PCDHGB2: variants seen among roughly 807,000 people sequenced by gnomAD.
PCDHGB2 encodes protocadherin gamma-B2.
Under a neutral mutation model 59.3 loss-of-function variants are expected in PCDHGB2, and 55 were observed. The observed-to-expected ratio is 0.93, with a 90% CI of 0.75 to 1.16. The LOEUF (loss-of-function observed/expected upper bound fraction) is 1.16, where lower values mean the gene tolerates loss of function less well. Among genes scored for constraint, PCDHGB2 ranks in the 50% most tolerant of loss-of-function variants. The pLI is 0.00. For missense variants in PCDHGB2, 1,228 were observed against 1,198.5 expected (o/e 1.02, Z -0.36); for synonymous variants, 516 against 512.0 (o/e 1.01, Z -0.11).
chr5:141,362,367 T>G lies in PCDHGB2; in HGVS notation c.2232T>G (p.Ser744Arg), dbSNP rs766511645. 6.2e-7 allele frequency: 1 copy of G among 1,614,012 alleles called. No individual in the cohort carries two copies. Among genetic ancestry groups the G allele is most frequent in the South Asian group, 1.1e-5 (1 of 91,084 alleles). The change falls in exon 1 of 4, where the codon AGT becomes AGG. Residue 744 changes from serine to arginine, a missense_variant. Transcript: ENST00000522605. ...GACCTGGGGTTCTCCCCAATTACAGTGAGGGTACATTGCCCTATTCCTACA... is the reference window on the plus strand; with the variant it reads ...GACCTGGGGTTCTCCCCAATTACAGGGAGGGTACATTGCCCTATTCCTACA... ...KPGPGVLPNY[S>R]EGTLPYSYNL...
At chr5:141,445,070 A>G (rs185808898) in intron 1 of PCDHGB2, among the ~76,000 whole-genome samples, 30 of 152,306 alleles carry the variant, frequency 2.0e-4, no homozygotes, top group African/African-American at 7.2e-4. Context: ...TATATTTCTC[A>G]TTAAATTGTC....
At chr5:141,415,425 T>G (rs777503392) in intron 1 of PCDHGB2, 7 of 1,614,080 alleles carry the variant, frequency 4.3e-6, no homozygotes, top group African/African-American at 1.3e-5. Context: ...TGGACGGGGT[T>G]CGGGCTTTCC....
At chr5:141,470,734 G>C (rs970003510) in intron 1 of PCDHGB2, among the ~76,000 whole-genome samples, 1 of 152,128 alleles carries the variant, frequency 6.6e-6, no homozygotes, top group South Asian at 2.1e-4. Context: ...GTCTTGCTCT[G>C]TCGCCCTGGC....
intron 1 of PCDHGB2, chr5:141,421,044 C>CGCCT (rs891153203): frequency 6.4e-5 from 35 of 548,614 alleles, no homozygotes; most frequent in African/African-American, 6.0e-4. Context: ...CTCCCTCCCC[C>CGCCT]GCCTCTACCA....
At chr5:141,408,636 C>A in intron 1 of PCDHGB2, 1 of 1,614,024 alleles carries the variant, frequency 6.2e-7, no homozygotes, top group Non-Finnish European at 8.5e-7. Flanking sequence ...ATTTTCGAAT[C>A]TGCATCCGCT....
intron 1 of PCDHGB2, among the ~76,000 whole-genome samples, chr5:141,457,424 C>T (rs1261475379): frequency 6.6e-6 from 1 of 152,068 alleles, no homozygotes; most frequent in Non-Finnish European, 1.5e-5. Context: ...TCCCTTTTTC[C>T]CCCCCACCAA....
At chr5:141,481,913 C>CAAAAAA (rs34114744) in intron 1 of PCDHGB2, among the ~76,000 whole-genome samples, 2 of 90,846 alleles carry the variant, frequency 2.2e-5, no homozygotes, top group Non-Finnish European at 4.4e-5. Flanking sequence ...AACTCCATCT[C>CAAAAAA]AAAAAAAAAA....
chr5:141,392,775 A>C (rs777775450), intron 1 of PCDHGB2: 1 of 1,524,280 alleles, frequency 6.6e-7, no homozygotes, highest in South Asian at 1.3e-5. Context: ...CCATTTATGC[A>C]CAGTGAAGAT....
chr5:141,361,700 A>G lies in PCDHGB2; in HGVS notation c.1565A>G (p.His522Arg), dbSNP rs1200553765. ...GTGTTCGCGCAGCGCGCCTTCGATC[A>G]TGAGCAGCTGCGCGCCTTCGAGCTC... Reference protein sequence around the residue: ...GVVFAQRAFDHEQLRAFELTL... With the variant: ...GVVFAQRAFDREQLRAFELTL... Residue 522 changes from histidine (H) to arginine (R), a missense_variant, in exon 1 of 4, where the codon CAT becomes CGT. Coordinates refer to ENST00000522605, the MANE Select transcript of PCDHGB2 (RefSeq NM_018923.3). 2 of 1,613,456 alleles carry G rather than the reference A, an allele frequency of 1.2e-6. No individual in the cohort carries two copies. The highest frequency in any genetic ancestry group is 1.7e-6 in the Non-Finnish European group (2 of 1,179,872).
chr5:141,390,295 A>G (rs1371103397), intron 1 of PCDHGB2: 2 of 1,613,930 alleles, frequency 1.2e-6, no homozygotes, highest in South Asian at 2.2e-5. Flanking sequence ...AGTTTCCTTT[A>G]AGTATAATTT....
At chr5:141,438,591 CATATATATATATATATAT>C (rs946798767) in intron 1 of PCDHGB2, among the ~76,000 whole-genome samples, 2 of 75,562 alleles carry the variant, frequency 2.6e-5, no homozygotes, top group Non-Finnish European at 5.4e-5. Context: ...TACATACATA[CATATATATATATATATAT>C]ATATATATAT....
chr5:141,492,934 G>A (rs1382515835), intron 1 of PCDHGB2, among the ~76,000 whole-genome samples: 7 of 152,236 alleles, frequency 4.6e-5, no homozygotes, highest in Admixed American at 4.6e-4. Flanking sequence ...TAGGGTCAGA[G>A]ATTTGGAGGT....
chr5:141,441,697 C>A (rs1415018255), intron 1 of PCDHGB2: 4 of 307,190 alleles, frequency 1.3e-5, no homozygotes, highest in Non-Finnish European at 1.3e-5. Flanking sequence ...CAGCCGCGAG[C>A]CTTCAAGCTC....
In PCDHGB2 at chr5:141,489,189, C is replaced by A; in HGVS notation, c.2422-5618C>A. 1 of 1,341,534 alleles carries A rather than the reference C, an allele frequency of 7.5e-7. No homozygotes were observed. The highest frequency in any genetic ancestry group is 1.0e-6 in the Non-Finnish European group (1 of 975,280). 83.1% of individuals were successfully genotyped at this position (1,341,534 alleles called of 1,614,324 possible). A position where few individuals can be genotyped will look rare whatever the true frequency, so the allele number is the denominator to read the frequency against. On this transcript the variant is annotated intron_variant, in intron 1 of 3. Transcript: ENST00000522605. This position sits in a 1 kb window ranked among gnomAD's most constrained non-coding sequence, Gnocchi z 4.5. ...TGCTGCATTCCAAGCCCTGGGTCTA[C>A]CTTGGAGACAGGACAGCACAGACTT...
At chr5:141,376,200 C>A (rs1220789915) in intron 1 of PCDHGB2, 2 of 1,614,086 alleles carry the variant, frequency 1.2e-6, no homozygotes, top group Non-Finnish European at 1.7e-6. Context: ...GTCTTCCTGG[C>A]CTTCGTCATC....
At chr5:141,502,660 A>T (rs1423714257) in intron 2 of PCDHGB2, among the ~76,000 whole-genome samples, 2 of 152,208 alleles carry the variant, frequency 1.3e-5, no homozygotes, top group African/African-American at 4.8e-5. Flanking sequence ...GCAACCCTTC[A>T]TGCAATTTTA....
chr5:141,501,228 A>G (rs1054674676), intron 2 of PCDHGB2, among the ~76,000 whole-genome samples: 10 of 149,588 alleles, frequency 6.7e-5, no homozygotes, highest in African/African-American at 2.5e-4. Context: ...TAGATTTCTC[A>G]GTTTTTTGAG....
intron 1 of PCDHGB2, among the ~76,000 whole-genome samples, chr5:141,447,631 A>G (rs59518107): frequency 0.11 from 16,809 of 152,214 alleles, 1,093 homozygotes; most frequent in African/African-American, 0.17. Flanking sequence ...AACCAACAGT[A>G]TGAATGATGG....
intron 1 of PCDHGB2, chr5:141,414,091 A>C (rs774168035): frequency 7.5e-6 from 12 of 1,594,412 alleles, no homozygotes; most frequent in African/African-American, 1.3e-5. Flanking sequence ...TGGAGAAATA[A>C]AAATATCAGA....
Sources: gnomAD v4.1 joint callset for allele counts (sites outside exome capture counted in the v4.1 genomes callset) on GRCh38, gnomAD v4.1.1 for gene constraint, Gnocchi (gnomAD v3.1) non-coding constraint, MANE v1.5 for transcripts, NCBI Gene and HGNC (gene_info 2026-07-23, HGNC 2026-07-21) for gene names.